COL6A5: variants seen among roughly 807,000 people sequenced by gnomAD.
COL6A5 encodes collagen alpha-5(VI) chain.
In COL6A5, 48 loss-of-function variants were observed where a neutral mutation model predicts 65.6. The ratio of observed to expected loss-of-function variants is 0.73; its 90% confidence interval spans 0.58 to 0.93. COL6A5 has a LOEUF of 0.93. COL6A5 is among the 40% of genes least tolerant of loss of function. The pLI is 0.00. For missense variants in COL6A5, 914 were observed against 928.3 expected (o/e 0.98, Z 0.20); for synonymous variants, 291 against 322.8 (o/e 0.90, Z 1.05).
At chr3:130,395,152 C>G (rs1225172587) in exon 8 of COL6A5, 2 of 1,551,560 alleles carry the variant, frequency 1.3e-6, no homozygotes, top group Non-Finnish European at 1.7e-6. Context: ...CAAGAATTGA[C>G]TTTGCCCTTA....
chr3:130,357,016 C>T (rs945263740), intron 1 of COL6A5, among the ~76,000 whole-genome samples: 2 of 151,846 alleles, frequency 1.3e-5, no homozygotes, highest in Non-Finnish European at 2.9e-5. Context: ...ACAAAGAATA[C>T]CAAAAGAATT....
At chr3:130,425,513 TC>T (rs1299265559) in intron 29 of COL6A5, among the ~76,000 whole-genome samples, 1 of 152,102 alleles carries the variant, frequency 6.6e-6, no homozygotes, top group African/African-American at 2.4e-5. Context: ...AGAAGCCTGA[TC>T]CTAATTAATG....
At chr3:130,465,142 TTTTCAGG>T (rs1351063753) in intron 5 of COL6A5, among the ~76,000 whole-genome samples, 5 of 152,000 alleles carry the variant, frequency 3.3e-5, no homozygotes, top group Non-Finnish European at 7.4e-5. Flanking sequence ...GCCTTGAGTG[TTTTCAGG>T]ACATGGTACA....
At chr3:130,476,858 A>T (rs940341733) in intron 7 of COL6A5, 2 of 677,630 alleles carry the variant, frequency 3.0e-6, no homozygotes, top group Non-Finnish European at 5.4e-6. Flanking sequence ...GAAATAAATG[A>T]TGTCTTTAAT....
chr3:130,474,737 G>A (rs1710045280), intron 7 of COL6A5, among the ~76,000 whole-genome samples: 1 of 152,042 alleles, frequency 6.6e-6, no homozygotes, highest in African/African-American at 2.4e-5. Context: ...GCTGAGTGCA[G>A]TGGCTCACAC....
chr3:130,409,525 C>A, intron 18 of COL6A5, 137 bp downstream of exon 18: 1 of 679,314 alleles, frequency 1.5e-6, no homozygotes, highest in Non-Finnish European at 2.4e-6. Context: ...TTGGCTGAGG[C>A]TTTGGGAAAA....
At chr3:130,482,180 T>C (rs1180040955) in intron 7 of COL6A5, among the ~76,000 whole-genome samples, 7 of 152,202 alleles carry the variant, frequency 4.6e-5, no homozygotes, top group Non-Finnish European at 8.8e-5. Flanking sequence ...TGGTTTTAGG[T>C]CTTACATTTA....
chr3:130,354,001 A>G (rs1333965098), intron 1 of COL6A5, among the ~76,000 whole-genome samples: 3 of 151,968 alleles, frequency 2.0e-5, no homozygotes, highest in African/African-American at 7.2e-5. Flanking sequence ...AAGTCTCACC[A>G]TGTTCTGGAT....
chr3:130,391,880 C>G, intron 7 of COL6A5, 126 bp downstream of exon 7: 1 of 749,178 alleles, frequency 1.3e-6, no homozygotes, highest in East Asian at 2.7e-5. Flanking sequence ...CTCAGGCTAT[C>G]AGTTTTCTCA....
At chr3:130,456,364 GA>G (rs1418414203) in intron 5 of COL6A5, among the ~76,000 whole-genome samples, 3 of 151,364 alleles carry the variant, frequency 2.0e-5, no homozygotes, top group South Asian at 2.1e-4. Flanking sequence ...AGAGAAAAAG[GA>G]AAAAAAGAGG....
At chr3:130,386,041 TG>T (rs1454066745) in intron 5 of COL6A5, among the ~76,000 whole-genome samples, 8 of 152,212 alleles carry the variant, frequency 5.3e-5, no homozygotes, top group East Asian at 3.9e-4. Flanking sequence ...TATATCTGGT[TG>T]TTTTTTTATT....
rs542581776 is a variant in COL6A5 at position 130,349,879 on chromosome 3, G to A, written c.-29+3898G>A. ...CAGTACATGGTTATTAGTAGCCCAG[G>A]CTTCTTTCTACCTTTCTATTCTACC... On this transcript the variant is annotated intron_variant and NMD_transcript_variant, in intron 1 of 41. Transcript: ENST00000312481. Among the ~76,000 whole-genome samples, 3 of 152,256 alleles carry A rather than the reference G, an allele frequency of 2.0e-5. No homozygotes were observed. In the South Asian group the frequency reaches 6.2e-4, roughly 32 times the overall value.
At chr3:130,403,491 C>A in intron 12 of COL6A5, 118 bp from the exon 13 acceptor site, 1 of 792,114 alleles carries the variant, frequency 1.3e-6, no homozygotes, top group Non-Finnish European at 2.1e-6. Flanking sequence ...ACGGCCACAT[C>A]TGCAGAAACT....
intron 6 of COL6A5, among the ~76,000 whole-genome samples, chr3:130,470,200 C>T (rs1219845196): frequency 6.6e-6 from 1 of 152,040 alleles, no homozygotes; most frequent in Non-Finnish European, 1.5e-5. Flanking sequence ...AGCCTCTGCC[C>T]ATGTGTTATG....
chr3:130,468,343 C>T (rs1470544760), intron 5 of COL6A5, among the ~76,000 whole-genome samples: 1 of 151,950 alleles, frequency 6.6e-6, no homozygotes, highest in Non-Finnish European at 1.5e-5. Flanking sequence ...ACTTTGAACA[C>T]ATATATAAAG....
At chr3:130,418,800 C>A in intron 24 of COL6A5, 69 bp from the exon 25 acceptor site, 1 of 1,266,090 alleles carries the variant, frequency 7.9e-7, no homozygotes, top group Non-Finnish European at 1.1e-6. Flanking sequence ...ATCGAGTGGA[C>A]AGAACTTACC....
chr3:130,345,899 C>T lies in COL6A5; in HGVS notation c.-111C>T, dbSNP rs1934450772. The T allele has an allele frequency of 7.5e-6, 3 of 398,684 alleles. No homozygotes were observed. The East Asian group carries it at 1.1e-4, about 14-fold the overall frequency. The allele number at this position is 398,684 out of a possible 1,614,324, so 24.7% of individuals were successfully genotyped here. ...GCCCGAGAGGCGCGCGTTTACTGCG[C>T]TCAGGAGCTCGGTGCAGCCTCTTCT... On this transcript the variant is annotated 5_prime_UTR_variant and NMD_transcript_variant, in exon 1 of 42. Coordinates refer to the COL6A5 transcript ENST00000312481.
At chr3:130,416,846 C>A (rs772826282) in intron 24 of COL6A5, 27 bp downstream of exon 24, 19 of 1,164,656 alleles carry the variant, frequency 1.6e-5, no homozygotes, top group South Asian at 4.6e-5. Context: ...TTTTTTAATT[C>A]TTTTAAAAAC....
At chr3:130,479,996 T>A (rs1710195612) in intron 7 of COL6A5, among the ~76,000 whole-genome samples, 1 of 152,046 alleles carries the variant, frequency 6.6e-6, no homozygotes. Flanking sequence ...ACTGGGTGAT[T>A]TTCGGGATAT....
Sources: allele counts gnomAD v4.1 joint callset (sites outside exome capture counted in the v4.1 genomes callset), GRCh38; gene constraint gnomAD v4.1.1; transcripts MANE v1.5; gene names NCBI Gene and HGNC (gene_info 2026-07-23, HGNC 2026-07-21).